The following OR56A1 variants were observed in gnomAD, a reference collection of about 807,000 sequenced individuals.
OR56A1 encodes the protein olfactory receptor family 56 subfamily A member 1, also known as olfactory receptor 56A1.
For synonymous variants in OR56A1, 174 were observed against 159.1 expected, an observed-to-expected ratio of 1.09 and a Z score of -0.70; for missense variants, 360 against 380.9, an observed-to-expected ratio of 0.94 and a Z score of 0.46.
chr11:6,027,484 G>A lies in OR56A1; in HGVS notation c.209C>T (p.Ser70Phe), dbSNP rs749099221. ...GAGGCAGAGCACGATGTCCAGCAGG[G>A]AGAGGAGGCTGAGCAGGTAGTACAG... ...QPLYYLLSLL[S>F]LLDIVLCLTV... is the part of the protein sequence containing the mutation. The change falls in exon 2 of 2, where the codon TCC becomes TTC. Residue 70 changes from serine (S) to phenylalanine (F), a missense_variant. Ser to Phe is a radical substitution (Grantham distance 155). Coordinates refer to ENST00000641900, the MANE Select transcript of OR56A1 (RefSeq NM_001388488.1). 32 of 1,614,070 alleles carry A rather than the reference G, an allele frequency of 2.0e-5. No homozygotes were observed. Among genetic ancestry groups the A allele is most frequent in the Non-Finnish European group, 2.7e-5 (32 of 1,180,042 alleles).
Position 6,027,226 on chromosome 11 carries a change from G to T in OR56A1, c.467C>A (p.Ala156Glu). The change falls in exon 2 of 2, where the codon GCG becomes GAG. Residue 156 changes from alanine (A) to glutamate (E), a missense_variant. Transcript: ENST00000641900. ...KASVFIVVRN[A>E]LLTAPIPILT... ...GATAGGAATGGGTGCAGTAAGAAGC[G>T]CATTCCGCACCACAATGAAGACACT... 6.2e-7 allele frequency: 1 copy of T among 1,613,754 alleles called. No homozygotes were observed. Among genetic ancestry groups the T allele is most frequent in the Non-Finnish European group, 8.5e-7 (1 of 1,179,598 alleles).
chr11:6,030,943 G>A (rs1431576423), upstream of OR56A1, among the ~76,000 whole-genome samples: 1 of 152,114 alleles, frequency 6.6e-6, no homozygotes, highest in Non-Finnish European at 1.5e-5. Context: ...ACATGAAATG[G>A]CTAAAAATAT....
rs888592307 is a variant in OR56A1 at position 6,025,658 on chromosome 11, C to T, written c.*1090G>A. 1.3e-5 allele frequency: 2 copies of T among 152,154 alleles called. No individual in the cohort carries two copies. The highest frequency in any genetic ancestry group is 2.9e-5 in the Non-Finnish European group (2 of 68,026). 9.4% of individuals were successfully genotyped at this position (152,154 alleles called of 1,614,324 possible). ...CCTCTGAGGTCCTATGGCATAAGTA[C>T]CAATTAGGGACAGCATCCTTCCTCA... On this transcript the variant is annotated 3_prime_UTR_variant, in exon 2 of 2. Coordinates refer to ENST00000641900, the MANE Select transcript of OR56A1 (RefSeq NM_001388488.1).
chr11:6,031,127 T>A (rs1848507881), upstream of OR56A1, among the ~76,000 whole-genome samples: 1 of 152,178 alleles, frequency 6.6e-6, no homozygotes, highest in Non-Finnish European at 1.5e-5. Flanking sequence ...TGTAGTGTAT[T>A]GAAGATATAA....
upstream of OR56A1, among the ~76,000 whole-genome samples, chr11:6,031,354 T>G (rs1395085336): frequency 6.6e-6 from 1 of 152,122 alleles, no homozygotes; most frequent in African/African-American, 2.4e-5. Flanking sequence ...AAAAAAATAT[T>G]TCCATTAGAA....
At chr11:6,033,411 C>A (rs570116851), upstream of OR56A1, among the ~76,000 whole-genome samples, 1 of 150,222 alleles carries the variant, frequency 6.7e-6, no homozygotes, top group East Asian at 1.9e-4. Context: ...CCAACATGAA[C>A]CAAGTATCTA....
rs1848384958 is a variant in OR56A1, at chr11:6,020,580, G to A, written c.*6168C>T. ...TATTTTTTGTGTGGCAGCTGTGAAT[G>A]GGATTGCCTTTCTAATTTGAATCTC... On this transcript the variant is annotated 3_prime_UTR_variant, in exon 2 of 2. Coordinates refer to ENST00000641900, the MANE Select transcript of OR56A1 (RefSeq NM_001388488.1). 6.6e-6 allele frequency: 1 copy of A among 152,024 alleles called. No homozygotes were observed. Among genetic ancestry groups the A allele is most frequent in the South Asian group, 2.1e-4 (1 of 4,828 alleles). 9.4% of individuals were successfully genotyped at this position (152,024 alleles called of 1,614,324 possible).
At chr11:6,029,927 A>G (rs1185360838) in intron 1 of OR56A1, among the ~76,000 whole-genome samples, 1 of 152,196 alleles carries the variant, frequency 6.6e-6, no homozygotes, top group Non-Finnish European at 1.5e-5. Context: ...GGGTTTCCCA[A>G]AGATATTCAA....
chr11:6,026,974 G>C lies in OR56A1; in HGVS notation c.719C>G (p.Ala240Gly). The C allele has an allele frequency of 6.2e-7, 1 of 1,614,044 alleles. No homozygotes were observed. Among genetic ancestry groups the C allele is most frequent in the Non-Finnish European group, 8.5e-7 (1 of 1,179,890 alleles). The change falls in exon 2 of 2, where the codon GCC becomes GGC. Residue 240 changes from alanine to glycine, a missense_variant. Coordinates refer to ENST00000641900, the MANE Select transcript of OR56A1 (RefSeq NM_001388488.1). ...RFKAEGAAVK[A>G]LSTCGSHFIL... The stretch of plus-strand genomic sequence containing the variant: ...GAAGTGGGAGCCACATGTGCTCAGG[G>C]CCTTCACTGCCGCCCCCTCTGCTTT...
intron 1 of OR56A1, among the ~76,000 whole-genome samples, chr11:6,029,708 C>T (rs1848494425): frequency 6.6e-6 from 1 of 152,204 alleles, no homozygotes; most frequent in East Asian, 1.9e-4. Context: ...TTCTCGAACA[C>T]ATCCATCATC....
chr11:6,032,419 GA>G (rs1258395908), upstream of OR56A1, among the ~76,000 whole-genome samples: 2 of 152,162 alleles, frequency 1.3e-5, no homozygotes, highest in African/African-American at 4.8e-5. Flanking sequence ...ACTCTGCTGT[GA>G]AATAGAGGGC....
In OR56A1 at chr11:6,019,375, T is replaced by A. The variant is rs1206476295; in HGVS notation, c.*7373A>T. 1 of 152,122 alleles carries A rather than the reference T, an allele frequency of 6.6e-6. No individual in the cohort carries two copies. The highest frequency in any genetic ancestry group is 2.4e-5 in the African/African-American group (1 of 41,434). 9.4% of individuals were successfully genotyped at this position (152,122 alleles called of 1,614,324 possible). On this transcript the variant is annotated 3_prime_UTR_variant, in exon 2 of 2. Transcript: ENST00000641900. ...GCAAAAATGGTTCAACGCATGCAAA[T>A]CAATAAATGTGATACATCATGTATT...
chr11:6,028,379 A>T (rs999053770), intron 1 of OR56A1, among the ~76,000 whole-genome samples: 7 of 152,020 alleles, frequency 4.6e-5, no homozygotes, highest in Admixed American at 4.6e-4. Flanking sequence ...TTCAATAAAT[A>T]TTGCACCCTA....
rs143590444 is a variant in OR56A1 at position 6,029,378 on chromosome 11, A to G, written c.-35+1324T>C. ...ATAAATAATCTGTCCATCTTCAAGAATTGATCCCATCTCTCCCAGCTTTGA... is the reference window on the plus strand; with the variant it reads ...ATAAATAATCTGTCCATCTTCAAGAGTTGATCCCATCTCTCCCAGCTTTGA... On this transcript the variant is annotated intron_variant, in intron 1 of 1. Coordinates refer to ENST00000641900, the MANE Select transcript of OR56A1 (RefSeq NM_001388488.1). Among the ~76,000 whole-genome samples, 9 of 152,218 alleles carry G rather than the reference A, an allele frequency of 5.9e-5. No homozygotes were observed. In the East Asian group the frequency reaches 1.7e-3, roughly 29 times the overall value.
At position 6,026,068 on chromosome 11, in the gene OR56A1, A is replaced by G. The variant is rs1274873739; in HGVS notation, c.*680T>C. 2 of 151,814 alleles carry G rather than the reference A, an allele frequency of 1.3e-5. No homozygotes were observed. Among genetic ancestry groups the G allele is most frequent in the South Asian group, 2.1e-4 (1 of 4,818 alleles). The allele number at this position is 151,814 out of a possible 1,614,324, so 9.4% of individuals were successfully genotyped here. On this transcript the variant is annotated 3_prime_UTR_variant, in exon 2 of 2. Transcript: ENST00000641900. ...GTCCTAGTCAGCTTTCCTGTTTCCT[A>G]CTCTCTTAGGGTCCCCTCTACCTGT...
rs1334535937 is a variant in OR56A1 at position 6,024,649 on chromosome 11, G to C, written c.*2099C>G. ...TGAAAATTAAATATTATTATTCATA[G>C]ACATTGGTATATTGCAAGTGCTCAA... On this transcript the variant is annotated 3_prime_UTR_variant, in exon 2 of 2. Coordinates refer to ENST00000641900, the MANE Select transcript of OR56A1 (RefSeq NM_001388488.1). The C allele has an allele frequency of 6.6e-6, 1 of 152,096 alleles. No homozygotes were observed. Among genetic ancestry groups the C allele is most frequent in the Non-Finnish European group, 1.5e-5 (1 of 68,018 alleles). 9.4% of individuals were successfully genotyped at this position (152,096 alleles called of 1,614,324 possible).
upstream of OR56A1, chr11:6,030,792 T>C (rs1376354538): frequency 6.6e-6 from 1 of 152,158 alleles, no homozygotes; most frequent in Non-Finnish European, 1.5e-5. Context: ...GTCCTCCTAT[T>C]TTATGTTTCT....
At position 6,025,357 on chromosome 11, in the gene OR56A1, G is replaced by C. The variant is rs1167792384; in HGVS notation, c.*1391C>G. 2.0e-5 allele frequency: 3 copies of C among 152,188 alleles called. No individual in the cohort carries two copies. Among genetic ancestry groups the C allele is most frequent in the Non-Finnish European group, 2.9e-5 (2 of 68,050 alleles). The allele number at this position is 152,188 out of a possible 1,614,324, so 9.4% of individuals were successfully genotyped here. A position where few individuals can be genotyped will look rare whatever the true frequency, so the allele number is the denominator to read the frequency against. On this transcript the variant is annotated 3_prime_UTR_variant, in exon 2 of 2. Coordinates refer to ENST00000641900, the MANE Select transcript of OR56A1 (RefSeq NM_001388488.1). ...CCTTCTTTGCCAGCTGTCTCTCTCT[G>C]AGTTTCTACCTACAGAGAGCAACAG...
At position 6,020,794 on chromosome 11, in the gene OR56A1, T is replaced by TAGA. The variant is rs1486870384; in HGVS notation, c.*5953_*5954insTCT. ...TCATGTCTTCTTATTTGGATGGCCTTTATTTCTTTCTCTTGCCTGATTGCT... is the reference window on the plus strand; with the variant it reads ...TCATGTCTTCTTATTTGGATGGCCTTAGATATTTCTTTCTCTTGCCTGATTGCT... On this transcript the variant is annotated 3_prime_UTR_variant, in exon 2 of 2. Transcript: ENST00000641900. The TAGA allele has an allele frequency of 4.1e-4, 63 of 152,244 alleles. No individual in the cohort carries two copies. Among genetic ancestry groups the TAGA allele is most frequent in the African/African-American group, 1.5e-3 (63 of 41,556 alleles). 9.4% of individuals were successfully genotyped at this position (152,244 alleles called of 1,614,324 possible).
Sources: gnomAD v4.1 joint callset for allele counts (sites outside exome capture counted in the v4.1 genomes callset) on GRCh38, gnomAD v4.1.1 for gene constraint, MANE v1.5 for transcripts, NCBI Gene and HGNC (gene_info 2026-07-23, HGNC 2026-07-21) for gene names.